The following CACNB2 variants were observed in gnomAD, a reference collection of about 807,000 sequenced individuals.
CACNB2 encodes voltage-dependent L-type calcium channel subunit beta-2.
In CACNB2, 42 loss-of-function variants were observed where a neutral mutation model predicts 73.3. That is an observed-to-expected ratio of 0.57 (90% CI 0.45 to 0.74). The LOEUF (loss-of-function observed/expected upper bound fraction) is 0.74. CACNB2 is among the 30% of genes least tolerant of loss of function. The pLI, the probability that CACNB2 is intolerant of heterozygous loss-of-function variation, is 0.00. For synonymous variants in CACNB2, 348 were observed against 310.3 expected (o/e 1.12, Z -1.28); for missense variants, 940 against 853.0 (o/e 1.10, Z -1.27).
chr10:18,251,219 T>G (rs1449051802), intron 2 of CACNB2, among the ~76,000 whole-genome samples: 1 of 152,156 alleles, frequency 6.6e-6, no homozygotes, highest in Non-Finnish European at 1.5e-5. Flanking sequence ...ATGAATTTTG[T>G]AGCCTTAAGC....
chr10:18,479,195 T>G (rs1487178254), intron 3 of CACNB2, among the ~76,000 whole-genome samples: 1 of 152,220 alleles, frequency 6.6e-6, no homozygotes, highest in Non-Finnish European at 1.5e-5. Flanking sequence ...TGTATACGTA[T>G]ATCTGTATTA....
At chr10:18,259,570 A>AAAAAAAAGAAAAC (rs1554779378) in intron 2 of CACNB2, among the ~76,000 whole-genome samples, 8 of 116,954 alleles carry the variant, frequency 6.8e-5, no homozygotes, top group Non-Finnish European at 8.9e-5. Context: ...CAAACAAAAA[A>AAAAAAAAGAAAAC]AAAAAGTAAA....
chr10:18,281,560 C>T (rs1222883722), intron 2 of CACNB2, among the ~76,000 whole-genome samples: 4 of 152,114 alleles, frequency 2.6e-5, no homozygotes, highest in African/African-American at 7.2e-5. Flanking sequence ...GCTTCCCTTC[C>T]GTTCTTTCCA....
rs746733018 is a variant in CACNB2 at position 18,366,537 on chromosome 10, T to C, written c.214-35387T>C. Among the ~76,000 whole-genome samples the C allele has an allele frequency of 5.3e-5, 8 of 150,246 alleles. 1 individual carries two copies. The highest frequency in any genetic ancestry group is 1.2e-4 in the Non-Finnish European group (8 of 67,794). Reference sequence around the variant, plus strand: ...TATTTTGCTTTTAATAATCAATTAATATAGTCCATCGAAGACTGATTTTGG... The same window carrying C: ...TATTTTGCTTTTAATAATCAATTAACATAGTCCATCGAAGACTGATTTTGG... On this transcript the variant is annotated intron_variant, in intron 2 of 13. Transcript: ENST00000324631.
At chr10:18,254,500 C>T (rs993103) in intron 2 of CACNB2, among the ~76,000 whole-genome samples, 32,893 of 151,766 alleles carry the variant, frequency 0.22, 4,091 homozygotes, top group South Asian at 0.33. Flanking sequence ...AATGTTGCCA[C>T]TCTCATTACT....
At chr10:18,216,908 G>A (rs977103259) in intron 2 of CACNB2, among the ~76,000 whole-genome samples, 3 of 152,196 alleles carry the variant, frequency 2.0e-5, no homozygotes, top group Non-Finnish European at 4.4e-5. Flanking sequence ...CAGAATGGAA[G>A]TGCTATAAGT....
chr10:18,270,052 A>G (rs2037984720), intron 2 of CACNB2, among the ~76,000 whole-genome samples: 1 of 152,136 alleles, frequency 6.6e-6, no homozygotes, highest in South Asian at 2.1e-4. Flanking sequence ...AGTACTCAAG[A>G]CTGGATAATT....
chr10:18,307,902 G>A (rs774269089), intron 2 of CACNB2, among the ~76,000 whole-genome samples: 9 of 150,632 alleles, frequency 6.0e-5, no homozygotes, highest in South Asian at 4.2e-4. Context: ...ATTTTTCTGC[G>A]AGTAGCATGT....
At chr10:18,206,540 C>T (rs774840339) in intron 2 of CACNB2, 1 of 152,312 alleles carries the variant, frequency 6.6e-6, no homozygotes, top group Non-Finnish European at 1.5e-5. Context: ...CCTTCTTTTC[C>T]CCGATGGGAC....
intron 3 of CACNB2, among the ~76,000 whole-genome samples, chr10:18,495,545 C>CTGTGTGTGTG (rs59858946): frequency 2.3e-4 from 29 of 124,708 alleles, no homozygotes; most frequent in Middle Eastern, 3.9e-3. Context: ...AGTATAAAAA[C>CTGTGTGTGTG]TGTGTGTGTG....
intron 3 of CACNB2, among the ~76,000 whole-genome samples, chr10:18,420,887 T>G (rs777127311): frequency 2.2e-4 from 33 of 152,224 alleles, no homozygotes; most frequent in Non-Finnish European, 4.1e-4. Flanking sequence ...TTAAAAAAAT[T>G]TAAACCATAG....
At chr10:18,499,108 A>G (rs115534992) in intron 4 of CACNB2, among the ~76,000 whole-genome samples, 207 of 152,308 alleles carry the variant, frequency 1.4e-3, no homozygotes, top group African/African-American at 4.9e-3. Flanking sequence ...ACATTTATCA[A>G]ATGCCTGCCT....
chr10:18,385,680 A>C (rs997344737), intron 2 of CACNB2, among the ~76,000 whole-genome samples: 2 of 152,000 alleles, frequency 1.3e-5, no homozygotes, highest in Non-Finnish European at 2.9e-5. Flanking sequence ...AATGACAGCA[A>C]AACGGTGTAT....
chr10:18,386,353 A>G (rs763483195), intron 2 of CACNB2, among the ~76,000 whole-genome samples: 4 of 150,464 alleles, frequency 2.7e-5, no homozygotes, highest in Non-Finnish European at 5.9e-5. Flanking sequence ...TATTCTGTAT[A>G]TATCATCAGT....
intron 2 of CACNB2, among the ~76,000 whole-genome samples, chr10:18,326,531 A>T (rs979084362): frequency 6.6e-6 from 1 of 152,224 alleles, no homozygotes; most frequent in Non-Finnish European, 1.5e-5. Context: ...CAGAACTGCT[A>T]TGCCCTCTGA....
At chr10:18,466,101 A>C (rs1037380662) in intron 3 of CACNB2, among the ~76,000 whole-genome samples, 2 of 152,226 alleles carry the variant, frequency 1.3e-5, no homozygotes, top group Non-Finnish European at 2.9e-5. Context: ...TACCCTGGGG[A>C]TGACTTATCT....
At chr10:18,210,479 T>C (rs1290632200) in intron 2 of CACNB2, among the ~76,000 whole-genome samples, 1 of 152,076 alleles carries the variant, frequency 6.6e-6, no homozygotes, top group Non-Finnish European at 1.5e-5. Flanking sequence ...TGGGGTGTGG[T>C]ATGAATCTGT....
At chr10:18,179,022 C>T (rs78397450) in intron 2 of CACNB2, among the ~76,000 whole-genome samples, 2 of 152,130 alleles carry the variant, frequency 1.3e-5, no homozygotes, top group African/African-American at 4.8e-5. Flanking sequence ...CAGGTCTGTG[C>T]TCTGGGTGAG....
rs1316107635 is a variant in CACNB2 at position 18,506,539 on chromosome 10, C to T, written c.662C>T (p.Pro221Leu). ...IVPSSRKSTPPSSAIDIDATG... is the reference protein window; with the variant it reads ...IVPSSRKSTPLSSAIDIDATG... The stretch of plus-strand genomic sequence containing the variant: ...CCTAGTTCCAGAAAATCAACACCTC[C>T]ATCATCTGGTAAGTAGGTGATAAAT... Residue 221 changes from proline (P) to leucine (L), a missense_variant, in exon 6 of 14, where the codon CCA (proline) becomes CTA (leucine). Physicochemically the swap from Pro to Leu is moderately conservative, Grantham distance 98. Coordinates refer to ENST00000324631, the MANE Select transcript of CACNB2 (RefSeq NM_201596.3). 1.3e-6 allele frequency: 2 copies of T among 1,584,846 alleles called. No homozygotes were observed. Among genetic ancestry groups the T allele is most frequent in the Non-Finnish European group, 1.7e-6 (2 of 1,153,540 alleles).
Sources: allele counts gnomAD v4.1 joint callset (sites outside exome capture counted in the v4.1 genomes callset), GRCh38; gene constraint gnomAD v4.1.1; transcripts MANE v1.5; gene names NCBI Gene and HGNC (gene_info 2026-07-23, HGNC 2026-07-21).